CNTN6: variants seen among roughly 807,000 people sequenced by gnomAD.
CNTN6 encodes the protein contactin 6, also known as contactin-6.
Under a neutral mutation model 122.8 loss-of-function variants are expected in CNTN6, and 137 were observed. The observed-to-expected ratio is 1.12, with a 90% CI of 0.97 to 1.29. The LOEUF (loss-of-function observed/expected upper bound fraction) is 1.29. CNTN6 is among the 50% of genes most tolerant of loss of function. The pLI is 0.00. For missense variants in CNTN6, 1,634 were observed against 1,223.4 expected, an observed-to-expected ratio of 1.34 and a Z score of -5.01; for synonymous variants, 570 against 426.0, an observed-to-expected ratio of 1.34 and a Z score of -4.16.
intron 3 of CNTN6, among the ~76,000 whole-genome samples, chr3:1,224,420 T>C (rs1487755239): frequency 6.6e-6 from 1 of 152,164 alleles, no homozygotes; most frequent in Non-Finnish European, 1.5e-5. Context: ...GAGAAGATTT[T>C]GAATGCTCTC....
chr3:1,348,074 G>A (rs1204028834), intron 11 of CNTN6, among the ~76,000 whole-genome samples: 2 of 145,348 alleles, frequency 1.4e-5, no homozygotes, highest in East Asian at 2.0e-4. Flanking sequence ...GTCCGGTACA[G>A]TGCTAAGCAT....
In CNTN6 at chr3:1,273,787, A is replaced by G. The variant is rs540331172; in HGVS notation, c.359-4626A>G. Among the ~76,000 whole-genome samples the G allele has an allele frequency of 9.8e-5, 15 of 152,360 alleles. No individual in the cohort carries two copies. In the South Asian group the frequency reaches 1.2e-3, roughly 13 times the overall value. ...AGCTAATAGAAATCCCATTGTAATC[A>G]TAAAAGGCACAGAGAAATTATGTCA... On this transcript the variant is annotated intron_variant, in intron 4 of 22. Coordinates refer to ENST00000446702, the MANE Select transcript of CNTN6 (RefSeq NM_001289080.2).
At chr3:1,387,625 G>A (rs1322301439) in intron 20 of CNTN6, among the ~76,000 whole-genome samples, 1 of 152,180 alleles carries the variant, frequency 6.6e-6, no homozygotes, top group Non-Finnish European at 1.5e-5. Context: ...GAAGACGCGT[G>A]ATTTCTGCAT....
At chr3:1,261,039 G>C (rs567354312) in intron 4 of CNTN6, among the ~76,000 whole-genome samples, 1 of 152,062 alleles carries the variant, frequency 6.6e-6, no homozygotes, top group Non-Finnish European at 1.5e-5. Context: ...CTCTATGTGC[G>C]ATGGGGAAAA....
At chr3:1,321,270 A>C (rs1166281250) in intron 7 of CNTN6, among the ~76,000 whole-genome samples, 1 of 151,758 alleles carries the variant, frequency 6.6e-6, no homozygotes, top group Non-Finnish European at 1.5e-5. Context: ...AAATTGACAT[A>C]ATCTTGTTAC....
intron 4 of CNTN6, among the ~76,000 whole-genome samples, chr3:1,235,247 G>A (rs1420528203): frequency 6.6e-6 from 1 of 152,096 alleles, no homozygotes; most frequent in African/African-American, 2.4e-5. Context: ...TATCAAAACT[G>A]GGAGTTTCTG....
chr3:1,278,593 AC>A, intron 5 of CNTN6, 85 bp downstream of exon 5: 1 of 781,218 alleles, frequency 1.3e-6, no homozygotes, highest in South Asian at 2.0e-5. Context: ...CTCAGTGATC[AC>A]CTTTTATCAA....
At chr3:1,227,088 C>T (rs1421717482) in intron 3 of CNTN6, among the ~76,000 whole-genome samples, 4 of 152,114 alleles carry the variant, frequency 2.6e-5, no homozygotes, top group African/African-American at 9.7e-5. Flanking sequence ...ATTTCTAAAA[C>T]TAGTTATGAA....
chr3:1,246,602 C>T (rs2094586020), intron 4 of CNTN6, among the ~76,000 whole-genome samples: 1 of 152,106 alleles, frequency 6.6e-6, no homozygotes. Context: ...TAAAAGATAA[C>T]ACCAAATTGT....
intron 1 of CNTN6, among the ~76,000 whole-genome samples, chr3:1,106,562 T>C (rs1012171655): frequency 6.6e-6 from 1 of 151,840 alleles, no homozygotes; most frequent in Non-Finnish European, 1.5e-5. Flanking sequence ...TCTCTCTCTC[T>C]CAAACTTTGG....
At chr3:1,313,086 A>G (rs1339836752) in intron 7 of CNTN6, among the ~76,000 whole-genome samples, 2 of 152,092 alleles carry the variant, frequency 1.3e-5, no homozygotes, top group African/African-American at 2.4e-5. Flanking sequence ...GACAAGATCA[A>G]ACGGAATAAA....
At chr3:1,192,304 G>T (rs879390585) in intron 2 of CNTN6, among the ~76,000 whole-genome samples, 2 of 151,892 alleles carry the variant, frequency 1.3e-5, no homozygotes, top group Non-Finnish European at 2.9e-5. Flanking sequence ...TTTTTTACTT[G>T]CTAGTGCCTC....
At chr3:1,372,579 C>G (rs1306457280) in intron 13 of CNTN6, 105 bp downstream of exon 13, 1 of 980,640 alleles carries the variant, frequency 1.0e-6, no homozygotes, top group African/African-American at 1.7e-5. Flanking sequence ...CATGGATAAT[C>G]ACTGACTGTT....
In CNTN6 at chr3:1,300,451, G is replaced by GGAAGGAAA. The variant is rs1328580160; in HGVS notation, c.761+2467_761+2468insAGAAGGAA. Among the ~76,000 whole-genome samples the GGAAGGAAA allele has an allele frequency of 2.3e-4, 9 of 38,800 alleles. No homozygotes were observed. The South Asian group carries it at 4.8e-3, about 21-fold the overall frequency. The allele number at this position is 38,800 out of a possible 152,430, so 25.5% of individuals were successfully genotyped here. On this transcript the variant is annotated intron_variant, in intron 7 of 22. Coordinates refer to ENST00000446702, the MANE Select transcript of CNTN6 (RefSeq NM_001289080.2). ...GAAAGGAGCAATTAGGGTCAGTTCA[G>GGAAGGAAA]GAAGGAAGGAAGGAAGGAAGGAAGG...
chr3:1,370,369 G>A (rs111840356), intron 12 of CNTN6, among the ~76,000 whole-genome samples: 3,071 of 151,990 alleles, frequency 0.02, 40 homozygotes, highest in Non-Finnish European at 0.027. Context: ...GAGCGGGGAG[G>A]GATAGCATTA....
intron 20 of CNTN6, among the ~76,000 whole-genome samples, chr3:1,398,471 A>T (rs935774048): frequency 2.0e-5 from 3 of 152,166 alleles, no homozygotes; most frequent in Non-Finnish European, 2.9e-5. Flanking sequence ...ATTAAGGGGA[A>T]AACTTGAATG....
chr3:1,346,625 C>T (rs1704743946), intron 11 of CNTN6, among the ~76,000 whole-genome samples: 1 of 152,140 alleles, frequency 6.6e-6, no homozygotes, highest in Non-Finnish European at 1.5e-5. Context: ...AGCTGCCCAA[C>T]CGTGAGCCTT....
chr3:1,249,233 T>C (rs1025442931), intron 4 of CNTN6, among the ~76,000 whole-genome samples: 1 of 152,118 alleles, frequency 6.6e-6, no homozygotes, highest in African/African-American at 2.4e-5. Context: ...GAAAAACAAA[T>C]GGTAATTGGT....
At chr3:1,224,060 G>A (rs1447108766) in intron 3 of CNTN6, among the ~76,000 whole-genome samples, 2 of 152,160 alleles carry the variant, frequency 1.3e-5, no homozygotes, top group African/African-American at 4.8e-5. Context: ...CAAATTCAGT[G>A]TACATCACAA....
Sources: allele counts gnomAD v4.1 joint callset (sites outside exome capture counted in the v4.1 genomes callset), GRCh38; gene constraint gnomAD v4.1.1; transcripts MANE v1.5; gene names NCBI Gene and HGNC (gene_info 2026-07-23, HGNC 2026-07-21).